The following PTPN3 variants were observed in gnomAD, a reference collection of about 807,000 sequenced individuals.
PTPN3 encodes tyrosine-protein phosphatase non-receptor type 3.
A neutral mutation model predicts 132.7 loss-of-function variants in PTPN3; 96 were observed. The observed-to-expected ratio is 0.72, with a 90% CI of 0.61 to 0.86. The LOEUF is 0.86. Ranked by LOEUF, PTPN3 falls within the 40% of genes least tolerant of loss-of-function variation. The pLI, the probability that PTPN3 is intolerant of heterozygous loss-of-function variation, is 0.00. For synonymous variants in PTPN3, 398 were observed against 429.0 expected (o/e 0.93, Z 0.89); for missense variants, 1,125 against 1,159.6 (o/e 0.97, Z 0.43).
chr9:109,448,457 A>G (rs1323590786), intron 6 of PTPN3, among the ~76,000 whole-genome samples: 5 of 152,146 alleles, frequency 3.3e-5, no homozygotes, highest in Non-Finnish European at 5.9e-5. Context: ...CGTGGGTACT[A>G]AGGGGCTCAA....
chr9:109,481,479 T>C (rs62576458), intron 1 of PTPN3, among the ~76,000 whole-genome samples: 10,130 of 152,266 alleles, frequency 0.067, 459 homozygotes, highest in Middle Eastern at 0.14. Context: ...GTTCCAACCT[T>C]GGGTGTTTGC....
intron 1 of PTPN3, among the ~76,000 whole-genome samples, chr9:109,495,202 A>G (rs766098671): frequency 1.3e-5 from 2 of 152,204 alleles, no homozygotes; most frequent in Non-Finnish European, 2.9e-5. Flanking sequence ...CTTCCAGACC[A>G]GGGTATGTGC....
chr9:109,408,797 ATATATATAT>A (rs1340655301), intron 16 of PTPN3, among the ~76,000 whole-genome samples: 9 of 50,252 alleles, frequency 1.8e-4, no homozygotes, highest in Middle Eastern at 0.013. Flanking sequence ...AAAAAAAAAA[ATATATATAT>A]ATATATATAT....
chr9:109,380,659 A>T (rs1446875299), intron 25 of PTPN3, among the ~76,000 whole-genome samples: 8 of 152,312 alleles, frequency 5.3e-5, no homozygotes, highest in Admixed American at 2.0e-4. Flanking sequence ...TAATAACATA[A>T]GCTGATTTTT....
intron 5 of PTPN3, chr9:109,449,777 A>C: frequency 2.0e-6 from 2 of 985,472 alleles, no homozygotes; most frequent in Non-Finnish European, 1.2e-6. Flanking sequence ...AGAAGTGCAC[A>C]GGGGCAGGAG....
intron 1 of PTPN3, among the ~76,000 whole-genome samples, chr9:109,476,495 C>T (rs972613352): frequency 6.6e-6 from 1 of 152,154 alleles, no homozygotes; most frequent in African/African-American, 2.4e-5. Context: ...TGTACTGAGG[C>T]CTTCCACATG....
chr9:109,439,433 C>T (rs536878226), intron 7 of PTPN3, among the ~76,000 whole-genome samples: 25 of 152,126 alleles, frequency 1.6e-4, no homozygotes, highest in South Asian at 2.1e-4. Flanking sequence ...TCCTGTAGCT[C>T]GCTGCAATGC....
intron 14 of PTPN3, among the ~76,000 whole-genome samples, chr9:109,415,244 T>C (rs1588374412): frequency 6.6e-6 from 1 of 152,098 alleles, no homozygotes; most frequent in African/African-American, 2.4e-5. Context: ...GGAGAAGAAA[T>C]ACAATTAACC....
upstream of PTPN3, among the ~76,000 whole-genome samples, chr9:109,500,909 C>T (rs1439099550): frequency 7.4e-5 from 10 of 135,948 alleles, no homozygotes; most frequent in African/African-American, 2.5e-4. Context: ...GCCTGTATGA[C>T]AGAGCGAGAT....
chr9:109,527,922 AC>A, the PTPN3 span, among the ~76,000 whole-genome samples: 127 of 152,348 alleles, frequency 8.3e-4, no homozygotes, highest in African/African-American at 2.9e-3. Context: ...CATTAGGAAT[AC>A]CATCTAATTC....
At chr9:109,422,996 T>A (rs1055548919) in intron 12 of PTPN3, 144 bp from the exon 13 acceptor site, 4 of 989,060 alleles carry the variant, frequency 4.0e-6, no homozygotes, top group Non-Finnish European at 5.9e-6. Flanking sequence ...GGGAGACAGC[T>A]CAAAAGCGAT....
chr9:109,379,413 T>A lies in PTPN3; in HGVS notation c.*143A>T, dbSNP rs1335102933. ...TCCTATGTACACGATATCTTTTCTA[T>A]AGAAGTTTAAAGTGCCTGGGTTCAG... On this transcript the variant is annotated 3_prime_UTR_variant, in exon 26 of 26. Transcript: ENST00000374541. 10 of 667,344 alleles carry A rather than the reference T, an allele frequency of 1.5e-5. No homozygotes were observed. Among genetic ancestry groups the A allele is most frequent in the Non-Finnish European group, 2.4e-5 (9 of 382,700 alleles). The allele number at this position is 667,344 out of a possible 1,614,324, so 41.3% of individuals were successfully genotyped here.
At chr9:109,500,886 C>CA (rs1480132978), upstream of PTPN3, among the ~76,000 whole-genome samples, 1 of 145,896 alleles carries the variant, frequency 6.9e-6, no homozygotes, top group Non-Finnish European at 1.5e-5. Flanking sequence ...GTGATGGCAC[C>CA]ATTTGTACTT....
intron 1 of PTPN3, among the ~76,000 whole-genome samples, chr9:109,492,057 T>A (rs1847486350): frequency 6.6e-6 from 1 of 152,188 alleles, no homozygotes; most frequent in Non-Finnish European, 1.5e-5. Flanking sequence ...TCCCTGACAC[T>A]TTATTTTCTA....
At chr9:109,418,645 G>A (rs1325189327) in intron 14 of PTPN3, among the ~76,000 whole-genome samples, 2 of 152,218 alleles carry the variant, frequency 1.3e-5, no homozygotes, top group African/African-American at 4.8e-5. Flanking sequence ...GCAGTGATGG[G>A]AATGGGCTGT....
intron 5 of PTPN3, among the ~76,000 whole-genome samples, chr9:109,454,243 T>G (rs1346967559): frequency 1.3e-5 from 2 of 151,464 alleles, no homozygotes; most frequent in Non-Finnish European, 1.5e-5. Flanking sequence ...GTGGGAGAGG[T>G]AGGAGGTGGC....
rs12342822 is a variant in PTPN3, at chr9:109,396,374, C to A, written c.1954-4813G>T. The stretch of plus-strand genomic sequence containing the variant: ...TATGAGACATGGCTTTTAAGAGAAC[C>A]TTCACTTTTTTTTCATTTTCCAATT... On this transcript the variant is annotated intron_variant, in intron 19 of 25. Transcript: ENST00000374541. Among the ~76,000 whole-genome samples the A allele has an allele frequency of 9.4e-3, 1,438 of 152,226 alleles. 27 individuals are homozygous for A. The highest frequency in any genetic ancestry group is 0.033 in the African/African-American group (1,367 of 41,532).
chr9:109,450,040 G>A (rs1204110709), intron 5 of PTPN3: 2 of 982,844 alleles, frequency 2.0e-6, no homozygotes, highest in East Asian at 2.3e-4. Flanking sequence ...GATATGTGAG[G>A]TCAATTGTGT....
the PTPN3 span, among the ~76,000 whole-genome samples, chr9:109,526,541 G>A: frequency 6.6e-6 from 1 of 151,994 alleles, no homozygotes; most frequent in Non-Finnish European, 1.5e-5. Context: ...CGACCATAGT[G>A]GCACACACCT....
Sources: gnomAD v4.1 joint callset for allele counts (sites outside exome capture counted in the v4.1 genomes callset) on GRCh38, gnomAD v4.1.1 for gene constraint, MANE v1.5 for transcripts, NCBI Gene and HGNC (gene_info 2026-07-23, HGNC 2026-07-21) for gene names.